RASGRF1: variants seen among roughly 807,000 people sequenced by gnomAD.
The protein encoded by RASGRF1 is Ras protein specific guanine nucleotide releasing factor 1, also known as ras-specific guanine nucleotide-releasing factor 1.
Under a neutral mutation model 138.7 loss-of-function variants are expected in RASGRF1, and 40 were observed. The ratio of observed to expected loss-of-function variants is 0.29; its 90% CI spans 0.22 to 0.38. The LOEUF (loss-of-function observed/expected upper bound fraction) is 0.38, where lower values mean the gene tolerates loss of function less well. Among genes scored for constraint, RASGRF1 ranks in the 10% least tolerant of loss-of-function variants. RASGRF1 has a pLI of 1.00. For synonymous variants in RASGRF1, 614 were observed against 663.2 expected (o/e 0.93, Z 1.14); for missense variants, 1,108 against 1,650.4 (o/e 0.67, Z 5.69).
intron 11 of RASGRF1, among the ~76,000 whole-genome samples, chr15:79,018,875 T>C (rs1009581302): frequency 2.0e-5 from 3 of 152,144 alleles, no homozygotes; most frequent in Non-Finnish European, 4.4e-5. Flanking sequence ...ACAGTGCCAC[T>C]TGAGCCTGGG....
chr15:79,072,267 C>CTTTTTTTTGTTTTTTTTTTTTTT (rs2057768102), intron 1 of RASGRF1, among the ~76,000 whole-genome samples: 1 of 61,576 alleles, frequency 1.6e-5, no homozygotes, highest in Non-Finnish European at 3.0e-5. Flanking sequence ...GATAAACAAT[C>CTTTTTTTTGTTTTTTTTTTTTTT]TTTTTTTTTT....
At chr15:79,082,404 C>T (rs1174000687) in intron 1 of RASGRF1, among the ~76,000 whole-genome samples, 1 of 152,124 alleles carries the variant, frequency 6.6e-6, no homozygotes. Flanking sequence ...GTGTCAGGAC[C>T]AAGCCTCTAC....
intron 1 of RASGRF1, among the ~76,000 whole-genome samples, chr15:79,088,174 G>A (rs1961579): frequency 0.42 from 64,189 of 151,932 alleles, 13,793 homozygotes; most frequent in East Asian, 0.5. Context: ...GATTTACCCC[G>A]TTGTTGGGTA....
chr15:79,042,885 A>T (rs2057314448), intron 5 of RASGRF1, among the ~76,000 whole-genome samples: 1 of 152,328 alleles, frequency 6.6e-6, no homozygotes, highest in Non-Finnish European at 1.5e-5. Flanking sequence ...GGTCACAAAA[A>T]ATAGTTCCTT....
In RASGRF1 at chr15:79,004,132, G is replaced by A. The variant is rs2056614972; in HGVS notation, c.2119C>T (p.Leu707=). ...GGGGACTTGGGGGGTTCACCGTACA[G>A]GAGCTTATTGTTCTGGCCACTGGCA... ...LFASGQNNKL[L]YGEPPKSPRA... Residue 707 remains leucine (L), a synonymous_variant, in exon 15 of 27, where the codon CTG becomes TTG. Transcript: ENST00000558480. 6.2e-7 allele frequency: 1 copy of A among 1,608,316 alleles called. No individual in the cohort carries two copies. The highest frequency in any genetic ancestry group is 8.5e-7 in the Non-Finnish European group (1 of 1,176,302).
intron 10 of RASGRF1, among the ~76,000 whole-genome samples, chr15:79,020,417 G>A (rs1248972675): frequency 1.3e-5 from 2 of 152,256 alleles, no homozygotes; most frequent in Non-Finnish European, 2.9e-5. Context: ...TGCTTCCACA[G>A]CAGCTCCAGG....
intron 1 of RASGRF1, among the ~76,000 whole-genome samples, chr15:79,080,180 C>G (rs1315882760): frequency 6.6e-6 from 1 of 152,258 alleles, no homozygotes; most frequent in African/African-American, 2.4e-5. Context: ...CCAGGAAACT[C>G]TAAGATGTAA....
chr15:79,038,808 C>A (rs2057256763), intron 5 of RASGRF1, among the ~76,000 whole-genome samples: 1 of 152,180 alleles, frequency 6.6e-6, no homozygotes, highest in African/African-American at 2.4e-5. Context: ...TCCCCACTCC[C>A]AAACTGCTTA....
intron 5 of RASGRF1, among the ~76,000 whole-genome samples, chr15:79,035,467 C>A (rs2057206719): frequency 6.6e-6 from 1 of 152,244 alleles, no homozygotes; most frequent in African/African-American, 2.4e-5. Context: ...CAAGCCCAGG[C>A]TCGTCTATGC....
chr15:79,031,377 T>G, intron 8 of RASGRF1, 23 bp downstream of exon 8: 1 of 1,544,002 alleles, frequency 6.5e-7, no homozygotes. Context: ...GCCGGTCTGG[T>G]GCACTGAAGA....
intron 26 of RASGRF1, among the ~76,000 whole-genome samples, chr15:78,965,185 G>C (rs1300992821): frequency 6.6e-6 from 1 of 152,088 alleles, no homozygotes; most frequent in Non-Finnish European, 1.5e-5. Context: ...GGCTTGTCAA[G>C]GATTGAGTAT....
rs762652458 is a variant in RASGRF1 at position 79,046,716 on chromosome 15, C to T, written c.878+30G>A. ...CGGCCAATGCTCACTAGTCTCCTTC[C>T]TGCCTTGGCCAACCTTTAGGGGTGC... On this transcript the variant is annotated intron_variant, in intron 5 of 26. Coordinates refer to ENST00000558480, the MANE Select transcript of RASGRF1 (RefSeq NM_001145648.3). This position sits in a 1 kb window ranked among gnomAD's most constrained non-coding sequence, Gnocchi z 5.3. 1.1e-5 allele frequency: 17 copies of T among 1,609,840 alleles called. No individual in the cohort carries two copies. The Admixed American group carries it at 1.5e-4, about 14-fold the overall frequency.
chr15:78,997,736 CAAA>C (rs33965910), intron 19 of RASGRF1, among the ~76,000 whole-genome samples: 4 of 112,406 alleles, frequency 3.6e-5, no homozygotes, highest in Admixed American at 9.8e-5. Flanking sequence ...GACTTCGCCT[CAAA>C]AAAAAAAAAA....
At chr15:79,069,393 G>T (rs1159237362) in intron 1 of RASGRF1, among the ~76,000 whole-genome samples, 1 of 152,206 alleles carries the variant, frequency 6.6e-6, no homozygotes, top group African/African-American at 2.4e-5. Context: ...AGGCCCATGT[G>T]GGGATGGCAA....
rs1012897570 is a variant in RASGRF1, at chr15:79,016,295, C to T, written c.1744-886G>A. On this transcript the variant is annotated intron_variant, in intron 12 of 26. Coordinates refer to ENST00000558480, the MANE Select transcript of RASGRF1 (RefSeq NM_001145648.3). ...AGCTGGCACAGTGGGTGGTGGAGCT[C>T]CCAGGCCCAGACTTCTGGGCAAGGC... 3.9e-5 allele frequency among the ~76,000 whole-genome samples: 6 copies of T among 152,174 alleles called. No homozygotes were observed. The East Asian group carries it at 1.2e-3, about 29-fold the overall frequency.
Position 79,090,523 on chromosome 15 carries a change from C to A in RASGRF1, c.-25G>T. On this transcript the variant is annotated 5_prime_UTR_variant, in exon 1 of 27. Transcript: ENST00000558480. ...TGGTGCTCAGAGGCCAGCGAGACCC[C>A]ACGCGCTTACATCTTCTCCGCGCAG... The A allele has an allele frequency of 6.2e-7, 1 of 1,603,772 alleles. No homozygotes were observed. Among genetic ancestry groups the A allele is most frequent in the Non-Finnish European group, 8.5e-7 (1 of 1,176,718 alleles).
chr15:79,017,995 AG>A, intron 11 of RASGRF1, 89 bp from the exon 12 acceptor site: 1 of 1,504,332 alleles, frequency 6.6e-7, no homozygotes. Context: ...CGTACGTACC[AG>A]TGGAGGCTCT....
chr15:79,026,343 C>T (rs1279962814), intron 9 of RASGRF1, among the ~76,000 whole-genome samples: 1 of 152,202 alleles, frequency 6.6e-6, no homozygotes, highest in African/African-American at 2.4e-5. Context: ...CTCTGTCTTC[C>T]CTGTGAATTC....
At chr15:79,033,754 T>C (rs1202086745) in intron 6 of RASGRF1, among the ~76,000 whole-genome samples, 1 of 151,596 alleles carries the variant, frequency 6.6e-6, no homozygotes, top group Non-Finnish European at 1.5e-5. Flanking sequence ...TACACCTGGC[T>C]AATTTTTGTA....
Sources: allele counts gnomAD v4.1 joint callset (sites outside exome capture counted in the v4.1 genomes callset), GRCh38; gene constraint gnomAD v4.1.1; non-coding constraint Gnocchi (gnomAD v3.1); transcripts MANE v1.5; gene names NCBI Gene and HGNC (gene_info 2026-07-23, HGNC 2026-07-21).